The following FGFR2 variants were observed in gnomAD, a reference collection of about 807,000 sequenced individuals.
FGFR2 encodes fibroblast growth factor receptor 2.
Under a neutral mutation model 95.9 loss-of-function variants are expected in FGFR2, and 19 were observed. The observed-to-expected ratio is 0.20, with a 90% CI of 0.14 to 0.29. The LOEUF (loss-of-function observed/expected upper bound fraction) is 0.29, where lower values mean the gene tolerates loss of function less well. Among genes scored for constraint, FGFR2 ranks in the 10% least tolerant of loss-of-function variants. FGFR2 has a pLI of 1.00. For synonymous variants in FGFR2, 392 were observed against 393.3 expected (o/e 1.00, Z 0.04); for missense variants, 707 against 1,056.9 (o/e 0.67, Z 4.59).
chr10:121,486,288 C>T (rs1257541822), intron 15 of FGFR2, among the ~76,000 whole-genome samples: 2 of 152,180 alleles, frequency 1.3e-5, no homozygotes, highest in Non-Finnish European at 2.9e-5. Context: ...AGCAGCAGCA[C>T]AGGACAGGCA....
intron 13 of FGFR2, among the ~76,000 whole-genome samples, chr10:121,490,311 C>G (rs1845971706): frequency 6.6e-6 from 1 of 151,938 alleles, no homozygotes; most frequent in South Asian, 2.1e-4. Context: ...ATTGCAGGTG[C>G]CCACCACCAC....
At chr10:121,480,180 G>T in intron 17 of FGFR2, 159 bp from the exon 18 acceptor site, 2 of 853,992 alleles carry the variant, frequency 2.3e-6, no homozygotes, top group South Asian at 1.3e-5. Flanking sequence ...ATTGGACGTG[G>T]GACAGGACAG....
chr10:121,557,341 C>T (rs907075191), intron 4 of FGFR2, among the ~76,000 whole-genome samples: 1 of 152,212 alleles, frequency 6.6e-6, no homozygotes, highest in Non-Finnish European at 1.5e-5. Context: ...CAGGGTCTTG[C>T]TCCGTTGCCC....
At chr10:121,541,450 T>C (rs765723266) in intron 5 of FGFR2, among the ~76,000 whole-genome samples, 4 of 152,144 alleles carry the variant, frequency 2.6e-5, no homozygotes, top group Admixed American at 6.5e-5. Flanking sequence ...AGCACAAAGT[T>C]TGGGGGTTTT....
intron 9 of FGFR2, among the ~76,000 whole-genome samples, chr10:121,511,777 T>G (rs1208743326): frequency 6.6e-6 from 1 of 152,230 alleles, no homozygotes; most frequent in Non-Finnish European, 1.5e-5. Flanking sequence ...TTCAACCATG[T>G]GCATACAAAG....
At chr10:121,587,153 G>A (rs1861951134) in intron 2 of FGFR2, among the ~76,000 whole-genome samples, 1 of 152,134 alleles carries the variant, frequency 6.6e-6, no homozygotes, top group Non-Finnish European at 1.5e-5. Flanking sequence ...ACAAGCAATG[G>A]GGAAAAGACT....
intron 6 of FGFR2, 112 bp from the exon 7 acceptor site, chr10:121,520,281 C>G: frequency 8.8e-7 from 1 of 1,134,204 alleles, no homozygotes; most frequent in South Asian, 1.6e-5. Context: ...AAGCCTCAAG[C>G]CTGCTGGCTG....
chr10:121,548,824 C>T (rs983044834), intron 5 of FGFR2, among the ~76,000 whole-genome samples: 14 of 152,042 alleles, frequency 9.2e-5, no homozygotes, highest in African/African-American at 2.4e-4. Flanking sequence ...TCCCAGGGGC[C>T]GTGATTTTAG....
chr10:121,585,608 G>C (rs1861700524), intron 2 of FGFR2, among the ~76,000 whole-genome samples: 1 of 152,188 alleles, frequency 6.6e-6, no homozygotes, highest in Non-Finnish European at 1.5e-5. Context: ...AGATAGTAGA[G>C]AGATTCAAAC....
intron 6 of FGFR2, among the ~76,000 whole-genome samples, chr10:121,532,617 T>C (rs1852241480): frequency 6.6e-6 from 1 of 152,184 alleles, no homozygotes; most frequent in South Asian, 2.1e-4. Flanking sequence ...CTCCGTCCCC[T>C]GGCCCCAGCT....
At chr10:121,486,668 C>A (rs540673282) in intron 15 of FGFR2, among the ~76,000 whole-genome samples, 48 of 152,346 alleles carry the variant, frequency 3.2e-4, no homozygotes, top group African/African-American at 1.1e-3. Flanking sequence ...CCTTGATCTC[C>A]TGACCTCGTG....
intron 6 of FGFR2, among the ~76,000 whole-genome samples, chr10:121,524,107 C>T (rs964353593): frequency 7.3e-4 from 51 of 69,816 alleles, no homozygotes; most frequent in African/African-American, 2.0e-3. Flanking sequence ...TGTATACACA[C>T]ACACACACAC....
intron 4 of FGFR2, among the ~76,000 whole-genome samples, chr10:121,559,274 CAT>C (rs1452427718): frequency 1.3e-5 from 2 of 152,230 alleles, no homozygotes; most frequent in South Asian, 2.1e-4. Flanking sequence ...AATCTGGACA[CAT>C]GAGTGTTTTC....
intron 4 of FGFR2, among the ~76,000 whole-genome samples, chr10:121,562,399 C>T (rs1857114708): frequency 6.6e-6 from 1 of 152,036 alleles, no homozygotes; most frequent in African/African-American, 2.4e-5. Flanking sequence ...ATTCTCATGC[C>T]TCAGCCTCCC....
chr10:121,488,335 G>C (rs1432547437), intron 13 of FGFR2, among the ~76,000 whole-genome samples: 2 of 152,052 alleles, frequency 1.3e-5, no homozygotes, highest in African/African-American at 4.8e-5. Context: ...GAGGTCAGTA[G>C]TTCGAGACCA....
At chr10:121,572,795 G>C (rs1859029676) in intron 2 of FGFR2, among the ~76,000 whole-genome samples, 1 of 152,198 alleles carries the variant, frequency 6.6e-6, no homozygotes. Context: ...GGCAGGGGCT[G>C]CCTGACTCTC....
rs1278570301 is a variant in FGFR2, at chr10:121,551,469, A to C, written c.455-10T>G. The C allele has an allele frequency of 6.2e-7, 1 of 1,613,874 alleles. No individual in the cohort carries two copies. The highest frequency in any genetic ancestry group is 8.5e-7 in the Non-Finnish European group (1 of 1,179,894). On this transcript the variant is annotated splice_polypyrimidine_tract_variant and intron_variant, in intron 4 of 17. Transcript: ENST00000358487. ...GTCCAGTATGGTGCTCCTGTTTTGG[A>C]AAACAGTATTAGAATGTATACTGAT... is the stretch of plus-strand genomic sequence containing the variant.
At chr10:121,491,856 C>G in intron 13 of FGFR2, among the ~76,000 whole-genome samples, 1 of 131,336 alleles carries the variant, frequency 7.6e-6, no homozygotes, top group African/African-American at 2.8e-5. Context: ...GGCAAAAGAG[C>G]TAGACTCTGT....
At chr10:121,510,699 G>C (rs1284799028) in intron 9 of FGFR2, among the ~76,000 whole-genome samples, 4 of 151,736 alleles carry the variant, frequency 2.6e-5, no homozygotes, top group African/African-American at 7.3e-5. Flanking sequence ...CCTTCATCTT[G>C]GTCCTATTCC....
Sources: gnomAD v4.1 joint callset for allele counts (sites outside exome capture counted in the v4.1 genomes callset) on GRCh38, gnomAD v4.1.1 for gene constraint, MANE v1.5 for transcripts, NCBI Gene and HGNC (gene_info 2026-07-23, HGNC 2026-07-21) for gene names.